Variants in RPGRIP1 observed in about 807,000 individuals in gnomAD.
RPGRIP1 encodes the protein RPGR interacting protein 1.
A neutral mutation model predicts 157.9 loss-of-function variants in RPGRIP1; 128 were observed. That is an observed-to-expected ratio of 0.81 (90% CI 0.70 to 0.94). The LOEUF (loss-of-function observed/expected upper bound fraction) is 0.94, where lower values mean the gene tolerates loss of function less well. RPGRIP1 is among the 40% of genes least tolerant of loss of function. The probability of loss-of-function intolerance (pLI) is 0.00; values close to 1 mark genes in which losing one functional copy is unlikely to be tolerated. For missense variants in RPGRIP1, 1,486 were observed against 1,545.8 expected, an observed-to-expected ratio of 0.96 and a Z score of 0.65; for synonymous variants, 554 against 571.6, an observed-to-expected ratio of 0.97 and a Z score of 0.44.
At chr14:21,312,751 C>T (rs781016319) in intron 10 of RPGRIP1, among the ~76,000 whole-genome samples, 7 of 150,316 alleles carry the variant, frequency 4.7e-5, no homozygotes, top group African/African-American at 1.2e-4. Flanking sequence ...TGCAGTGGTG[C>T]GATCTTGGCT....
intron 3 of RPGRIP1, among the ~76,000 whole-genome samples, chr14:21,295,040 C>T (rs1332546573): frequency 2.0e-5 from 3 of 151,622 alleles, no homozygotes; most frequent in African/African-American, 2.4e-5. Context: ...GATGGGGATT[C>T]GCCATGTTGG....
At chr14:21,305,589 G>A (rs547264138) in intron 6 of RPGRIP1, among the ~76,000 whole-genome samples, 62 of 152,198 alleles carry the variant, frequency 4.1e-4, no homozygotes, top group Non-Finnish European at 6.3e-4. Flanking sequence ...GGCCGGGTGC[G>A]GTGGCTTATG....
Position 21,301,076 on chromosome 14 carries a change from G to C in RPGRIP1, c.329G>C (p.Arg110Pro). The part of the protein sequence containing the change: ...TARRGQKAGW[R>P]QRLSMHQRPQ... ...AGGCGCGGGCAGAAGGCGGGATGGC[G>C]GCAGCGCCTCTCCATGCACCAGCGC... Residue 110 changes from arginine (R) to proline (P), a missense_variant, in exon 4 of 25, where the codon CGG becomes CCG. Transcript: ENST00000400017. 6 of 1,612,698 alleles carry C rather than the reference G, an allele frequency of 3.7e-6. No homozygotes were observed. The highest frequency in any genetic ancestry group is 5.1e-6 in the Non-Finnish European group (6 of 1,179,448).
chr14:21,295,850 A>G (rs1880750473), intron 3 of RPGRIP1, among the ~76,000 whole-genome samples: 1 of 151,600 alleles, frequency 6.6e-6, no homozygotes, highest in African/African-American at 2.4e-5. Flanking sequence ...GGCTCACTGC[A>G]ACCTCTGCCT....
At chr14:21,327,176 C>T (rs1042224235) in intron 17 of RPGRIP1, among the ~76,000 whole-genome samples, 6 of 152,168 alleles carry the variant, frequency 3.9e-5, no homozygotes, top group African/African-American at 1.4e-4. Flanking sequence ...GTATAAGCCA[C>T]CTGTTAATCA....
At chr14:21,315,316 G>T (rs1249594415) in intron 10 of RPGRIP1, among the ~76,000 whole-genome samples, 2 of 151,544 alleles carry the variant, frequency 1.3e-5, no homozygotes, top group Non-Finnish European at 2.9e-5. Flanking sequence ...GACCATCCTG[G>T]CTAACACGGT....
At chr14:21,345,991 G>C (rs1193887935) in intron 23 of RPGRIP1, among the ~76,000 whole-genome samples, 1 of 151,960 alleles carries the variant, frequency 6.6e-6, no homozygotes, top group Non-Finnish European at 1.5e-5. Flanking sequence ...GCTAATTTTT[G>C]TATTTTTAGT....
chr14:21,337,306 C>G (rs1315210749), intron 21 of RPGRIP1, among the ~76,000 whole-genome samples: 1 of 152,034 alleles, frequency 6.6e-6, no homozygotes, highest in East Asian at 1.9e-4. Flanking sequence ...CCATCTGATA[C>G]TGATGTGGCA....
chr14:21,312,565 C>A, intron 10 of RPGRIP1, 59 bp downstream of exon 10: 2 of 1,043,564 alleles, frequency 1.9e-6, no homozygotes, highest in South Asian at 2.8e-5. Context: ...ATAGAAAGTT[C>A]ATTCCTAATA....
rs777125547 is a variant in RPGRIP1, at chr14:21,303,398, T to G, written c.655T>G (p.Cys219Gly). 1 of 1,613,930 alleles carries G rather than the reference T, an allele frequency of 6.2e-7. No homozygotes were observed. Among genetic ancestry groups the G allele is most frequent in the Non-Finnish European group, 8.5e-7 (1 of 1,179,856 alleles). The part of the protein sequence containing the change: ...VISMAKPIGL[C>G]MPNSAHIMAS... ...AAGTATGGCTAAACCCATTGGTCTA[T>G]GCATGCCTAACAGTGCCCACATCAT... Residue 219 changes from cysteine (C) to glycine (G), a missense_variant, in exon 6 of 25, where the codon TGC becomes GGC. By Grantham distance (159) the Cys-to-Gly change is radical. Transcript: ENST00000400017.
intron 3 of RPGRIP1, among the ~76,000 whole-genome samples, chr14:21,296,841 G>C (rs991427970): frequency 6.6e-6 from 1 of 151,296 alleles, no homozygotes; most frequent in Non-Finnish European, 1.5e-5. Context: ...TGAAATCCCA[G>C]CTACTCGGGA....
At chr14:21,346,505 T>G (rs1023373320) in intron 23 of RPGRIP1, among the ~76,000 whole-genome samples, 1 of 152,172 alleles carries the variant, frequency 6.6e-6, no homozygotes, top group Non-Finnish European at 1.5e-5. Context: ...TGAGCTAAGA[T>G]TGTGCCACTG....
chr14:21,328,283 T>C (rs1021520821), intron 18 of RPGRIP1, 141 bp from the exon 19 acceptor site: 1 of 636,640 alleles, frequency 1.6e-6, no homozygotes, highest in African/African-American at 1.8e-5. Flanking sequence ...TGGGTTTTAC[T>C]GCGGAAAAGA....
intron 6 of RPGRIP1, among the ~76,000 whole-genome samples, chr14:21,304,017 G>T (rs1235193568): frequency 1.4e-5 from 2 of 141,678 alleles, no homozygotes; most frequent in Non-Finnish European, 3.1e-5. Context: ...GAAAAGAAAA[G>T]AAATGAATTA....
rs748959859 is a variant in RPGRIP1, at chr14:21,311,841, T to G, written c.948T>G (p.Ser316Arg). ...TLLQKNQGIL[S>R]AAHEALLKQV... ...TGACCCAGAATCAGGGAATCCTGAG[T>G]GCAGCCCATGAGGCCCTCCTCAAGC... The change falls in exon 9 of 25, where the codon AGT becomes AGG. Residue 316 changes from serine to arginine, a missense_variant. Ser to Arg is a moderately radical substitution (Grantham distance 110). Transcript: ENST00000400017. 20 of 1,606,838 alleles carry G rather than the reference T, an allele frequency of 1.2e-5. No individual in the cohort carries two copies. The highest frequency in any genetic ancestry group is 1.6e-5 in the Non-Finnish European group (19 of 1,177,552).
intron 1 of RPGRIP1, among the ~76,000 whole-genome samples, chr14:21,281,244 G>C (rs2139123909): frequency 6.6e-6 from 1 of 152,056 alleles, no homozygotes; most frequent in Non-Finnish European, 1.5e-5. Context: ...GGATGGTCTT[G>C]ATCTCTTGAT....
intron 21 of RPGRIP1, among the ~76,000 whole-genome samples, chr14:21,342,381 A>T (rs1330641584): frequency 6.6e-6 from 1 of 151,912 alleles, no homozygotes; most frequent in African/African-American, 2.4e-5. Context: ...TATCTCTATT[A>T]AAAAAATAAA....
intron 3 of RPGRIP1, among the ~76,000 whole-genome samples, chr14:21,300,220 G>A (rs1216580675): frequency 5.3e-5 from 8 of 151,304 alleles, no homozygotes; most frequent in African/African-American, 1.9e-4. Context: ...CAGGAGAATC[G>A]CTTGAACTTG....
intron 2 of RPGRIP1, among the ~76,000 whole-genome samples, chr14:21,291,895 G>A (rs910320879): frequency 6.6e-6 from 1 of 152,094 alleles, no homozygotes; most frequent in African/African-American, 2.4e-5. Context: ...GAGTAGCTGG[G>A]ATTACAGGCA....
Sources: gnomAD v4.1 joint callset for allele counts (sites outside exome capture counted in the v4.1 genomes callset) on GRCh38, gnomAD v4.1.1 for gene constraint, MANE v1.5 for transcripts, NCBI Gene and HGNC (gene_info 2026-07-23, HGNC 2026-07-21) for gene names.